Variants in ZNF148 observed in about 807,000 individuals in gnomAD.
ZNF148 encodes the protein Beta-Enolase Repressor Factor-1.
In ZNF148, 7 loss-of-function variants were observed where a neutral mutation model predicts 67.7. That is an observed-to-expected ratio of 0.10 (90% CI 0.06 to 0.19). ZNF148 has a LOEUF of 0.19. Ranked by LOEUF, ZNF148 falls within the 10% of genes least tolerant of loss-of-function variation. ZNF148 has a pLI of 1.00. For synonymous variants in ZNF148, 333 were observed against 330.7 expected (o/e 1.01, Z -0.08); for missense variants, 583 against 947.1 (o/e 0.62, Z 5.05).
At chr3:125,239,721 G>A (rs947681467) in intron 7 of ZNF148, among the ~76,000 whole-genome samples, 1 of 152,084 alleles carries the variant, frequency 6.6e-6, no homozygotes, top group Non-Finnish European at 1.5e-5. Flanking sequence ...TATTCATAGC[G>A]GCATTATTCA....
intron 1 of ZNF148, among the ~76,000 whole-genome samples, chr3:125,346,873 T>C (rs1235066285): frequency 6.6e-6 from 1 of 152,006 alleles, no homozygotes; most frequent in Non-Finnish European, 1.5e-5. Context: ...TTACAGTAAA[T>C]TAAGCAAAAA....
At chr3:125,315,528 G>A (rs983620562) in intron 3 of ZNF148, among the ~76,000 whole-genome samples, 1 of 151,892 alleles carries the variant, frequency 6.6e-6, no homozygotes, top group Non-Finnish European at 1.5e-5. Context: ...CCAACATGGT[G>A]AAACCCTGTC....
chr3:125,371,349 C>A (rs1942873012), intron 1 of ZNF148, among the ~76,000 whole-genome samples: 1 of 94,470 alleles, frequency 1.1e-5, no homozygotes, highest in South Asian at 3.7e-4. Flanking sequence ...AAAGTGAGAC[C>A]CTGTTTCAAA....
At chr3:125,291,770 A>T (rs541847727) in intron 4 of ZNF148, among the ~76,000 whole-genome samples, 2 of 152,272 alleles carry the variant, frequency 1.3e-5, no homozygotes, top group South Asian at 4.1e-4. Context: ...ATACAGAGAT[A>T]AAATAACTGT....
intron 2 of ZNF148, among the ~76,000 whole-genome samples, chr3:125,329,008 T>C (rs1425020928): frequency 6.6e-6 from 1 of 150,896 alleles, no homozygotes; most frequent in Non-Finnish European, 1.5e-5. Flanking sequence ...GATATATATA[T>C]ATATATATAT....
chr3:125,258,160 C>A (rs774264475), intron 7 of ZNF148, among the ~76,000 whole-genome samples: 1 of 151,804 alleles, frequency 6.6e-6, no homozygotes, highest in Non-Finnish European at 1.5e-5. Context: ...CGGTGGCTCA[C>A]GCCTGTAATC....
chr3:125,336,755 C>A (rs868760288), intron 1 of ZNF148, among the ~76,000 whole-genome samples: 3 of 140,876 alleles, frequency 2.1e-5, no homozygotes, highest in Non-Finnish European at 4.5e-5. Flanking sequence ...CAGCTCACCA[C>A]AACCTCCACC....
At position 125,233,168 on chromosome 3, in the gene ZNF148, A is replaced by C; in HGVS notation, c.1558T>G (p.Ser520Ala). The C allele has an allele frequency of 1.9e-6, 3 of 1,613,766 alleles. No homozygotes were observed. The highest frequency in any genetic ancestry group is 2.5e-6 in the Non-Finnish European group (3 of 1,179,862). The change falls in exon 9 of 9, where the codon TCA becomes GCA. Residue 520 changes from serine to alanine, a missense_variant. Coordinates refer to ENST00000360647, the MANE Select transcript of ZNF148 (RefSeq NM_021964.3). The surrounding 1 kb of genome is among the most constrained non-coding windows in gnomAD (Gnocchi z 5.1). ...DESTTASILE[S>A]QALNVEIKSN... ...TTAATCTCCACATTCAGTGCCTGTG[A>C]CTCTAATATGGATGCCGTGGTACTT...
chr3:125,331,092 T>G, intron 2 of ZNF148, 66 bp downstream of exon 2: 1 of 398,102 alleles, frequency 2.5e-6, no homozygotes, highest in Non-Finnish European at 4.4e-6. Flanking sequence ...ATTGTAAGTA[T>G]GTGTAGTAAC....
intron 7 of ZNF148, among the ~76,000 whole-genome samples, chr3:125,256,458 C>A (rs2107560800): frequency 6.6e-6 from 1 of 152,186 alleles, no homozygotes; most frequent in East Asian, 1.9e-4. Flanking sequence ...GGGCGGATCA[C>A]CTGAGCTCAG....
At chr3:125,308,563 C>T (rs555092103) in intron 4 of ZNF148, among the ~76,000 whole-genome samples, 27 of 148,572 alleles carry the variant, frequency 1.8e-4, no homozygotes, top group African/African-American at 6.4e-4. Flanking sequence ...AGGTGGATTC[C>T]ATACTTTATA....
intron 1 of ZNF148, among the ~76,000 whole-genome samples, chr3:125,371,319 T>G (rs1409577962): frequency 8.7e-6 from 1 of 115,206 alleles, no homozygotes; most frequent in South Asian, 3.0e-4. Flanking sequence ...ACATGCGCAC[T>G]GCACTTCAGC....
chr3:125,244,558 T>A (rs906198572), intron 7 of ZNF148, among the ~76,000 whole-genome samples: 1 of 151,862 alleles, frequency 6.6e-6, no homozygotes, highest in Non-Finnish European at 1.5e-5. Context: ...AGGACAATGG[T>A]GCCATCTCGG....
chr3:125,316,246 G>T (rs1205350121), intron 3 of ZNF148, among the ~76,000 whole-genome samples: 2 of 152,104 alleles, frequency 1.3e-5, no homozygotes, highest in African/African-American at 2.4e-5. Flanking sequence ...CCACTCATCT[G>T]TTCACAGACA....
intron 1 of ZNF148, among the ~76,000 whole-genome samples, chr3:125,333,450 C>T (rs1941370477): frequency 6.6e-6 from 1 of 152,184 alleles, no homozygotes; most frequent in Admixed American, 6.5e-5. Flanking sequence ...GTCTCTGGAA[C>T]CCTAATTCAT....
intron 7 of ZNF148, among the ~76,000 whole-genome samples, chr3:125,250,866 CTG>C (rs1936811416): frequency 0.013 from 2 of 156 alleles, no homozygotes; most frequent in Non-Finnish European, 0.03. Flanking sequence ...AACAAATTGT[CTG>C]CGTCTGCTTT....
At chr3:125,245,182 G>T (rs1428896809) in intron 7 of ZNF148, among the ~76,000 whole-genome samples, 3 of 152,018 alleles carry the variant, frequency 2.0e-5, no homozygotes, top group Non-Finnish European at 4.4e-5. Context: ...ACATGGTTTG[G>T]CTCTGTTCCG....
At chr3:125,334,849 T>C (rs1320507327) in intron 1 of ZNF148, among the ~76,000 whole-genome samples, 5 of 152,056 alleles carry the variant, frequency 3.3e-5, no homozygotes, top group South Asian at 2.1e-4. Flanking sequence ...GCCTCTCCCC[T>C]TGTTCACTCC....
chr3:125,317,032 G>A (rs1477768353), intron 3 of ZNF148, among the ~76,000 whole-genome samples: 1 of 152,170 alleles, frequency 6.6e-6, no homozygotes, highest in Non-Finnish European at 1.5e-5. Context: ...TGAAGACAAA[G>A]TGGAAATACT....
Sources: allele counts gnomAD v4.1 joint callset (sites outside exome capture counted in the v4.1 genomes callset), GRCh38; gene constraint gnomAD v4.1.1; non-coding constraint Gnocchi (gnomAD v3.1); transcripts MANE v1.5; gene names NCBI Gene and HGNC (gene_info 2026-07-23, HGNC 2026-07-21).